The following SLC14A2 variants were observed in gnomAD, a reference collection of about 807,000 sequenced individuals.
SLC14A2 encodes the protein solute carrier family 14 member 2, also known as urea transporter 2.
A neutral mutation model predicts 104.6 loss-of-function variants in SLC14A2; 91 were observed. That is an observed-to-expected ratio of 0.87 (90% confidence interval 0.73 to 1.04). SLC14A2 has a LOEUF of 1.04. Ranked by LOEUF, SLC14A2 falls within the 50% of genes least tolerant of loss-of-function variation. SLC14A2 has a pLI of 0.00. For missense variants in SLC14A2, 1,189 were observed against 1,156.0 expected, an observed-to-expected ratio of 1.03 and a Z score of -0.41; for synonymous variants, 476 against 466.4, an observed-to-expected ratio of 1.02 and a Z score of -0.27.
the SLC14A2 span, chr18:45,168,914 T>A: frequency 3.9e-5 from 6 of 152,208 alleles, no homozygotes; most frequent in Non-Finnish European, 8.8e-5. Context: ...AAATGGTGCA[T>A]AAAGGGTGTT....
chr18:45,424,572 G>A (rs1322282936), intron 1 of SLC14A2, among the ~76,000 whole-genome samples: 1 of 152,250 alleles, frequency 6.6e-6, no homozygotes, highest in Non-Finnish European at 1.5e-5. Context: ...GCACAGGCAT[G>A]AGTAGGTGGA....
At chr18:45,170,898 T>C in the SLC14A2 span, among the ~76,000 whole-genome samples, 1 of 152,230 alleles carries the variant, frequency 6.6e-6, no homozygotes, top group South Asian at 2.1e-4. Context: ...AAAGGTGCCA[T>C]TGGGGGTAGG....
At chr18:45,314,001 G>A (rs945139001) in intron 1 of SLC14A2, among the ~76,000 whole-genome samples, 37 of 152,180 alleles carry the variant, frequency 2.4e-4, no homozygotes, top group African/African-American at 7.7e-4. Flanking sequence ...ATGCCCATCC[G>A]TGCAATGGCA....
chr18:45,466,801 AC>A (rs2087151513), intron 1 of SLC14A2, among the ~76,000 whole-genome samples: 1 of 151,958 alleles, frequency 6.6e-6, no homozygotes, highest in Non-Finnish European at 1.5e-5. Flanking sequence ...CACCCTGTAT[AC>A]CCCTGTGAAT....
At chr18:45,175,304 G>C in the SLC14A2 span, among the ~76,000 whole-genome samples, 27 of 151,894 alleles carry the variant, frequency 1.8e-4, no homozygotes, top group African/African-American at 6.3e-4. Context: ...AAAGGAAGGA[G>C]TTCTCTGTAT....
intron 1 of SLC14A2, among the ~76,000 whole-genome samples, chr18:45,280,256 A>G (rs1233767105): frequency 6.6e-6 from 1 of 152,110 alleles, no homozygotes; most frequent in East Asian, 1.9e-4. Context: ...GGCGCCGCTG[A>G]TGTGCACAAC....
At chr18:45,521,532 A>G (rs1255133210) in intron 2 of SLC14A2, among the ~76,000 whole-genome samples, 2 of 152,166 alleles carry the variant, frequency 1.3e-5, no homozygotes, top group African/African-American at 2.4e-5. Flanking sequence ...GAGAGAGGAC[A>G]TTTAGATATG....
intron 2 of SLC14A2, chr18:45,528,039 T>C (rs2043621952): frequency 6.6e-6 from 1 of 152,168 alleles, no homozygotes; most frequent in East Asian, 1.9e-4. Flanking sequence ...AAAAGGCCCT[T>C]ATGACATCCA....
intron 2 of SLC14A2, among the ~76,000 whole-genome samples, chr18:45,581,621 G>A (rs769645738): frequency 2.6e-5 from 4 of 152,166 alleles, no homozygotes; most frequent in African/African-American, 7.2e-5. Flanking sequence ...TATCTCCTCC[G>A]AGCCTCAGTT....
rs1426738566 is a variant in SLC14A2, at chr18:45,585,249, GCT to G, written c.-34-39379_-34-39378del. The stretch of plus-strand genomic sequence containing the variant: ...CCTTTCAGTGAGGTGTTCCCTGACT[GCT>G]CTATTTTAAATTGTAACTCCGTCCC... On this transcript the variant is annotated intron_variant, in intron 2 of 20. Transcript: ENST00000586448. 9.9e-5 allele frequency among the ~76,000 whole-genome samples: 15 copies of G among 152,176 alleles called. No individual in the cohort carries two copies. The South Asian group carries it at 2.7e-3, about 27-fold the overall frequency.
chr18:45,340,314 G>T (rs2085380847), intron 1 of SLC14A2, among the ~76,000 whole-genome samples: 1 of 152,238 alleles, frequency 6.6e-6, no homozygotes, highest in Non-Finnish European at 1.5e-5. Context: ...AGAAATGACT[G>T]TGTGCTGATG....
In SLC14A2 at chr18:45,338,682, C is replaced by CAAAAAAA. The variant is rs59474827; in HGVS notation, c.-125+125515_-125+125521dup. Among the ~76,000 whole-genome samples the CAAAAAAA allele has an allele frequency of 4.3e-3, 221 of 51,810 alleles. 23 individuals carry two copies. The highest frequency in any genetic ancestry group is 5.8e-3 in the Non-Finnish European group (156 of 27,066). The allele number at this position is 51,810 out of a possible 152,430, so 34.0% of individuals were successfully genotyped here. On this transcript the variant is annotated intron_variant, in intron 1 of 20. Transcript: ENST00000586448. ...GGCCATAGTAACTCACACTGGCTCA[C>CAAAAAAA]AAAAAAAAAAAAAAAAAAAAAAAAA...
intron 18 of SLC14A2, among the ~76,000 whole-genome samples, chr18:45,678,309 T>C (rs2046259133): frequency 6.6e-6 from 1 of 152,220 alleles, no homozygotes; most frequent in African/African-American, 2.4e-5. Context: ...GCTATGGTAG[T>C]ATTGCTACTA....
chr18:45,670,042 C>T (rs574273042), intron 16 of SLC14A2, among the ~76,000 whole-genome samples: 9 of 152,256 alleles, frequency 5.9e-5, no homozygotes, highest in African/African-American at 1.7e-4. Flanking sequence ...GTGGGAGGAT[C>T]GCTTGAGCCC....
upstream of SLC14A2, among the ~76,000 whole-genome samples, chr18:45,208,893 AAAAG>A (rs2083937113): frequency 6.6e-6 from 1 of 152,014 alleles, no homozygotes. Context: ...AATACCAGTA[AAAAG>A]AAATTATTAT....
chr18:45,270,177 A>G (rs561403677), intron 1 of SLC14A2, among the ~76,000 whole-genome samples: 1 of 152,056 alleles, frequency 6.6e-6, no homozygotes, highest in Non-Finnish European at 1.5e-5. Flanking sequence ...GCAGAGTTGG[A>G]CCCTACTTGC....
At chr18:45,440,218 G>GTTTT (rs5824588) in intron 1 of SLC14A2, among the ~76,000 whole-genome samples, 2 of 148,714 alleles carry the variant, frequency 1.3e-5, no homozygotes, top group Non-Finnish European at 3.0e-5. Context: ...CATTTTTCAA[G>GTTTT]TTTTTTTTTT....
chr18:45,640,614 ACTT>A (rs1156595490), intron 7 of SLC14A2, among the ~76,000 whole-genome samples: 7 of 152,120 alleles, frequency 4.6e-5, no homozygotes, highest in Admixed American at 1.3e-4. Flanking sequence ...CCTGTTTTAG[ACTT>A]CTTCTAATAT....
chr18:45,593,554 A>T (rs373181904), intron 2 of SLC14A2, among the ~76,000 whole-genome samples: 47 of 127,180 alleles, frequency 3.7e-4, no homozygotes, highest in African/African-American at 1.4e-3. Context: ...CAGTGGCACG[A>T]TCTCGGCTCA....
Sources: gnomAD v4.1 joint callset for allele counts (sites outside exome capture counted in the v4.1 genomes callset) on GRCh38, gnomAD v4.1.1 for gene constraint, MANE v1.5 for transcripts, NCBI Gene and HGNC (gene_info 2026-07-23, HGNC 2026-07-21) for gene names.